GLYATL1: variants seen among roughly 807,000 people sequenced by gnomAD.
GLYATL1 encodes the protein glycine-N-acyltransferase like 1.
In GLYATL1, 15 loss-of-function variants were observed where a neutral mutation model predicts 20.0. The ratio of observed to expected loss-of-function variants is 0.75; its 90% CI spans 0.50 to 1.15. GLYATL1 has a LOEUF of 1.15. Among genes scored for constraint, GLYATL1 ranks in the 50% most tolerant of loss-of-function variants. The pLI is 0.00. For synonymous variants in GLYATL1, 151 were observed against 131.5 expected, an observed-to-expected ratio of 1.15 and a Z score of -1.01; for missense variants, 380 against 368.5, an observed-to-expected ratio of 1.03 and a Z score of -0.26.
chr11:58,916,436 T>C (rs1284008929), intron 1 of GLYATL1, among the ~76,000 whole-genome samples: 1 of 152,176 alleles, frequency 6.6e-6, no homozygotes, highest in East Asian at 1.9e-4. Flanking sequence ...TTACATATAT[T>C]ATCTCACTTA....
At chr11:58,941,393 G>GT (rs1441215150) in intron 1 of GLYATL1, among the ~76,000 whole-genome samples, 1 of 151,988 alleles carries the variant, frequency 6.6e-6, no homozygotes, top group East Asian at 1.9e-4. Flanking sequence ...TGGCTGCATA[G>GT]TATTCCATGG....
At chr11:58,914,373 C>A (rs2135100856) in intron 1 of GLYATL1, among the ~76,000 whole-genome samples, 1 of 152,282 alleles carries the variant, frequency 6.6e-6, no homozygotes, top group African/African-American at 2.4e-5. Context: ...TTATTAGGGG[C>A]TTATGCTTGA....
intron 1 of GLYATL1, chr11:58,907,130 G>C: frequency 2.7e-6 from 1 of 366,972 alleles, no homozygotes; most frequent in Admixed American, 3.2e-5. Flanking sequence ...TTCTTTCCTG[G>C]CCTTGGAAAG....
In GLYATL1 at chr11:58,955,887, C is replaced by G. The variant is rs2135287940; in HGVS notation, c.769C>G (p.Gln257Glu). The change falls in exon 7 of 7, where the codon CAG becomes GAG. Residue 257 changes from glutamine (Q) to glutamate (E), a missense_variant. Gln to Glu is a conservative substitution (Grantham distance 29, BLOSUM62 2). Coordinates refer to ENST00000532726, the MANE Select transcript of GLYATL1 (RefSeq NM_001389712.2). ...GGTGCGATACATGAAATATCTGCGTCAGAAGAATATTCCATTTTACATCTC... is the reference window on the plus strand; with the variant it reads ...GGTGCGATACATGAAATATCTGCGTGAGAAGAATATTCCATTTTACATCTC... ...VMVRYMKYLR[Q>E]KNIPFYISVL... 6.2e-7 allele frequency: 1 copy of G among 1,614,216 alleles called. No homozygotes were observed. The highest frequency in any genetic ancestry group is 8.5e-7 in the Non-Finnish European group (1 of 1,180,038).
upstream of GLYATL1, chr11:58,935,095 A>T (rs1469850475): frequency 1.3e-5 from 2 of 153,188 alleles, no homozygotes; most frequent in Non-Finnish European, 2.9e-5. Context: ...TTCTGGGAGC[A>T]GTCTGGAGCC....
intron 1 of GLYATL1, among the ~76,000 whole-genome samples, chr11:58,932,586 C>T (rs1345465216): frequency 6.6e-6 from 1 of 152,112 alleles, no homozygotes; most frequent in Non-Finnish European, 1.5e-5. Flanking sequence ...AGCAGAAAAC[C>T]CCTGAATGTG....
chr11:58,919,829 G>T (rs1004710508), intron 1 of GLYATL1, among the ~76,000 whole-genome samples: 2 of 152,158 alleles, frequency 1.3e-5, no homozygotes, highest in African/African-American at 4.8e-5. Flanking sequence ...GTGAGCCATG[G>T]CACATAGAAA....
chr11:58,955,029 C>A (rs569920325), intron 5 of GLYATL1, 133 bp downstream of exon 5: 16 of 1,240,958 alleles, frequency 1.3e-5, no homozygotes, highest in African/African-American at 1.2e-4. Flanking sequence ...AGAGGTGGAG[C>A]AATCTGTGGT....
At chr11:58,910,878 G>A (rs10896876), downstream of GLYATL1, among the ~76,000 whole-genome samples, 23,973 of 152,074 alleles carry the variant, frequency 0.16, 2,054 homozygotes, top group East Asian at 0.31. Context: ...AACACCTACA[G>A]TCATGTAACC....
At chr11:58,939,052 A>T (rs2135164554), upstream of GLYATL1, among the ~76,000 whole-genome samples, 1 of 152,220 alleles carries the variant, frequency 6.6e-6, no homozygotes, top group Admixed American at 6.5e-5. Context: ...TTTTTTTTGT[A>T]TAAACATAGA....
intron 2 of GLYATL1, 86 bp from the exon 3 acceptor site, chr11:58,946,960 G>C: frequency 1.1e-6 from 1 of 920,936 alleles, no homozygotes; most frequent in Non-Finnish European, 1.8e-6. Flanking sequence ...CCTACATCAC[G>C]AGTGTTACTT....
At chr11:58,953,786 TA>T (rs1315533607) in intron 4 of GLYATL1, among the ~76,000 whole-genome samples, 1 of 152,210 alleles carries the variant, frequency 6.6e-6, no homozygotes, top group African/African-American at 2.4e-5. Context: ...TTCTTTAAAT[TA>T]ATTACACTAT....
At chr11:58,931,441 A>G (rs1364728792) in intron 1 of GLYATL1, among the ~76,000 whole-genome samples, 1 of 152,200 alleles carries the variant, frequency 6.6e-6, no homozygotes, top group African/African-American at 2.4e-5. Flanking sequence ...ACCCATAACA[A>G]TCTTATGTTG....
chr11:58,955,137 C>G (rs754374087), intron 5 of GLYATL1, 39 bp from the exon 6 acceptor site: 7 of 1,587,174 alleles, frequency 4.4e-6, no homozygotes, highest in Non-Finnish European at 6.0e-6. Flanking sequence ...GTAGAGAACT[C>G]CATGTCTGAC....
intron 1 of GLYATL1, among the ~76,000 whole-genome samples, chr11:58,929,981 C>T (rs1855539924): frequency 6.6e-6 from 1 of 152,186 alleles, no homozygotes. Context: ...GACTAATGCT[C>T]AATGTCTTGG....
chr11:58,907,338 C>T (rs1854922140), exon 2 of GLYATL1: 1 of 456,136 alleles, frequency 2.2e-6, no homozygotes, highest in African/African-American at 2.0e-5. Context: ...GTCTTGCTGC[C>T]CTTCCTTGCG....
intron 1 of GLYATL1, among the ~76,000 whole-genome samples, chr11:58,942,073 G>A (rs1856200328): frequency 6.6e-6 from 1 of 152,170 alleles, no homozygotes; most frequent in Non-Finnish European, 1.5e-5. Context: ...CATTCAACAG[G>A]GAGAATGATT....
intron 4 of GLYATL1, among the ~76,000 whole-genome samples, chr11:58,951,049 G>T (rs1856955051): frequency 6.6e-6 from 1 of 151,960 alleles, no homozygotes. Flanking sequence ...TTATTTTCAT[G>T]TAATCAAATA....
upstream of GLYATL1, among the ~76,000 whole-genome samples, chr11:58,926,541 C>T (rs866717210): frequency 6.6e-5 from 10 of 152,256 alleles, no homozygotes; most frequent in Middle Eastern, 0.02. Flanking sequence ...AAACCTAGAT[C>T]CAGTGATTGG....
Sources: gnomAD v4.1 joint callset for allele counts (sites outside exome capture counted in the v4.1 genomes callset) on GRCh38, gnomAD v4.1.1 for gene constraint, MANE v1.5 for transcripts, NCBI Gene and HGNC (gene_info 2026-07-23, HGNC 2026-07-21) for gene names.